SV2B: variants seen among roughly 807,000 people sequenced by gnomAD.
SV2B encodes the protein synaptic vesicle glycoprotein 2B.
SV2B carries 41 observed loss-of-function variants against 73.9 expected under a neutral mutation model. The ratio of observed to expected loss-of-function variants is 0.56; its 90% CI spans 0.43 to 0.72. The LOEUF is 0.72. Among genes scored for constraint, SV2B ranks in the 30% least tolerant of loss-of-function variants. The pLI is 0.00. For synonymous variants in SV2B, 314 were observed against 314.2 expected, an observed-to-expected ratio of 1.00 and a Z score of 0.01; for missense variants, 764 against 857.8, an observed-to-expected ratio of 0.89 and a Z score of 1.37.
chr15:91,279,794 A>G (rs2239991), intron 9 of SV2B, among the ~76,000 whole-genome samples: 3,414 of 152,348 alleles, frequency 0.022, 77 homozygotes, highest in East Asian at 0.095. Flanking sequence ...GTCTCCAGGA[A>G]TAGCTCTCTT....
intron 1 of SV2B, among the ~76,000 whole-genome samples, chr15:91,162,913 C>T (rs113252802): frequency 1.4e-5 from 2 of 141,848 alleles, no homozygotes; most frequent in African/African-American, 5.2e-5. Flanking sequence ...AATGCTATCC[C>T]TCCCCCAACC....
Position 91,122,967 on chromosome 15 carries a change from T to C in SV2B, c.-392+22604T>C, listed in dbSNP as rs534106910. Among the ~76,000 whole-genome samples the C allele has an allele frequency of 6.6e-6, 1 of 152,162 alleles. No individual in the cohort carries two copies. The highest frequency in any genetic ancestry group is 2.4e-5 in the African/African-American group (1 of 41,440). Reference sequence around the variant, plus strand: ...CTGGTAGCTATAGTTAATAACAATGTATTGTATTCTTGAAAATTGCTGGTC... The same window carrying C: ...CTGGTAGCTATAGTTAATAACAATGCATTGTATTCTTGAAAATTGCTGGTC... On this transcript the variant is annotated intron_variant, in intron 1 of 12. Transcript: ENST00000394232. This position sits in a 1 kb window ranked among gnomAD's most constrained non-coding sequence, Gnocchi z 4.3.
chr15:91,186,838 C>T (rs1035453292), intron 1 of SV2B, among the ~76,000 whole-genome samples: 3 of 152,032 alleles, frequency 2.0e-5, no homozygotes, highest in East Asian at 3.9e-4. Flanking sequence ...ATCAAAACTG[C>T]GCTTGTACCC....
At chr15:91,109,195 A>C (rs919531288) in intron 1 of SV2B, among the ~76,000 whole-genome samples, 9 of 152,246 alleles carry the variant, frequency 5.9e-5, no homozygotes, top group African/African-American at 2.2e-4. Context: ...AAGTGGATGC[A>C]CAATCTCATT....
At chr15:91,193,447 A>C (rs1299977856) in intron 1 of SV2B, among the ~76,000 whole-genome samples, 1 of 152,200 alleles carries the variant, frequency 6.6e-6, no homozygotes, top group Non-Finnish European at 1.5e-5. Flanking sequence ...AGAGCCAGGG[A>C]ACCCCCTTTG....
chr15:91,216,475 T>C (rs1310211645), intron 1 of SV2B, among the ~76,000 whole-genome samples: 4 of 150,812 alleles, frequency 2.7e-5, no homozygotes, highest in Non-Finnish European at 4.4e-5. Context: ...CTTTTTTTTT[T>C]GTTTTTTTGT....
At chr15:91,149,815 G>A (rs757655645) in intron 1 of SV2B, among the ~76,000 whole-genome samples, 3 of 152,314 alleles carry the variant, frequency 2.0e-5, no homozygotes, top group South Asian at 2.1e-4. Context: ...CCTGTTCCAT[G>A]ATACTTGCTG....
rs1020303147 is a variant in SV2B at position 91,295,433 on chromosome 15, G to C, written c.*2881G>C. 6.6e-6 allele frequency: 1 copy of C among 152,234 alleles called. No homozygotes were observed. Among genetic ancestry groups the C allele is most frequent in the South Asian group, 2.1e-4 (1 of 4,832 alleles). The allele number at this position is 152,234 out of a possible 1,614,324, so 9.4% of individuals were successfully genotyped here. A position where few individuals can be genotyped will look rare whatever the true frequency, so the allele number is the denominator to read the frequency against. The stretch of plus-strand genomic sequence containing the variant: ...AAGAAAACCTTAAGGACTGGGGTTA[G>C]AGATTATTTTCAGGCACTAAGGTCT... On this transcript the variant is annotated 3_prime_UTR_variant, in exon 13 of 13. Coordinates refer to ENST00000394232, the MANE Select transcript of SV2B (RefSeq NM_001323032.3).
At chr15:91,180,106 A>G (rs1231532298) in intron 1 of SV2B, among the ~76,000 whole-genome samples, 7 of 152,022 alleles carry the variant, frequency 4.6e-5, no homozygotes, top group African/African-American at 1.7e-4. Flanking sequence ...AAAATCTCTC[A>G]GCATTTGCTT....
At chr15:91,108,429 C>G (rs1052472903) in intron 1 of SV2B, among the ~76,000 whole-genome samples, 1 of 152,202 alleles carries the variant, frequency 6.6e-6, no homozygotes. Flanking sequence ...CTGTCTGATG[C>G]CTTTGTGGCT....
chr15:91,175,992 A>C (rs2044290877), intron 1 of SV2B, among the ~76,000 whole-genome samples: 1 of 151,848 alleles, frequency 6.6e-6, no homozygotes, highest in Non-Finnish European at 1.5e-5. Flanking sequence ...GCACCCATTA[A>C]CTTGTCATTT....
chr15:91,207,641 C>G (rs924040635), intron 1 of SV2B, among the ~76,000 whole-genome samples: 1 of 152,132 alleles, frequency 6.6e-6, no homozygotes, highest in East Asian at 1.9e-4. Flanking sequence ...TAACCAAAGA[C>G]AGAATAACAA....
rs926885597 is a variant in SV2B at position 91,129,194 on chromosome 15, G to A, written c.-392+28831G>A. ...TTCAACAAATATTTAACATGCCCTG[G>A]GGTAGGTACATGACACATTACAGAA... On this transcript the variant is annotated intron_variant, in intron 1 of 12. Transcript: ENST00000394232. The surrounding 1 kb of genome is among the most constrained non-coding windows in gnomAD (Gnocchi z 5.1). Among the ~76,000 whole-genome samples, 1 of 152,142 alleles carries A rather than the reference G, an allele frequency of 6.6e-6. No homozygotes were observed. Among genetic ancestry groups the A allele is most frequent in the Non-Finnish European group, 1.5e-5 (1 of 68,026 alleles).
rs950807579 is a variant in SV2B, at chr15:91,110,022, C to A, written c.-392+9659C>A. Among the ~76,000 whole-genome samples the A allele has an allele frequency of 1.3e-5, 2 of 152,166 alleles. No individual in the cohort carries two copies. The highest frequency in any genetic ancestry group is 2.4e-5 in the African/African-American group (1 of 41,442). ...TTACAGGCATGAACCACTGCATCCA[C>A]CTCGGAAATAGCTTATTTGGGTGGA... On this transcript the variant is annotated intron_variant, in intron 1 of 12. Transcript: ENST00000394232. This position sits in a 1 kb window ranked among gnomAD's most constrained non-coding sequence, Gnocchi z 5.4.
rs1289822610 is a variant in SV2B at position 91,290,305 on chromosome 15, A to C, written c.1868+625A>C. Among the ~76,000 whole-genome samples the C allele has an allele frequency of 6.6e-6, 1 of 152,180 alleles. No homozygotes were observed. The highest frequency in any genetic ancestry group is 2.4e-5 in the African/African-American group (1 of 41,430). ...AGAGGTAAGGAAGGTGGGTAAATGA[A>C]ATTCTGCAAAAACCTTAATGATATT... is the stretch of plus-strand genomic sequence containing the variant. On this transcript the variant is annotated intron_variant, in intron 12 of 12. Transcript: ENST00000394232. This position sits in a 1 kb window ranked among gnomAD's most constrained non-coding sequence, Gnocchi z 4.7.
chr15:91,202,248 C>G (rs553371833), intron 1 of SV2B, among the ~76,000 whole-genome samples: 2 of 152,314 alleles, frequency 1.3e-5, no homozygotes, highest in African/African-American at 4.8e-5. Flanking sequence ...TGCCCTCTCT[C>G]CACTAGAAGG....
rs1567432628 is a variant in SV2B, at chr15:91,283,864, T to TGGCCACATATTACCTTGAC, written c.1508-156_1508-155insGCCACATATTACCTTGACG. On this transcript the variant is annotated intron_variant, in intron 10 of 12. Transcript: ENST00000394232. The surrounding 1 kb of genome is among the most constrained non-coding windows in gnomAD (Gnocchi z 4.3). Reference sequence around the variant, plus strand: ...GTTTCTCTCCTCATCCATACCTTGATGACATGGCCACATATTACCTTGACT... The same window carrying TGGCCACATATTACCTTGAC: ...GTTTCTCTCCTCATCCATACCTTGATGGCCACATATTACCTTGACGACATGGCCACATATTACCTTGACT... 2.6e-5 allele frequency among the ~76,000 whole-genome samples: 4 copies of TGGCCACATATTACCTTGAC among 151,918 alleles called. No homozygotes were observed. The highest frequency in any genetic ancestry group is 9.7e-5 in the African/African-American group (4 of 41,254).
At position 91,293,770 on chromosome 15, in the gene SV2B, A is replaced by C. The variant is rs914131995; in HGVS notation, c.*1218A>C. 2 of 152,248 alleles carry C rather than the reference A, an allele frequency of 1.3e-5. No homozygotes were observed. Among genetic ancestry groups the C allele is most frequent in the African/African-American group, 2.4e-5 (1 of 41,456 alleles). The allele number at this position is 152,248 out of a possible 1,614,324, so 9.4% of individuals were successfully genotyped here. On this transcript the variant is annotated 3_prime_UTR_variant, in exon 13 of 13. Transcript: ENST00000394232. ...GATGGTCAGGTCTCATGAGAAATCT[A>C]TGCTATGTGTCCAGAGCTTTTGAAA...
intron 12 of SV2B, among the ~76,000 whole-genome samples, chr15:91,291,218 A>G (rs1480981489): frequency 6.6e-6 from 1 of 151,660 alleles, no homozygotes; most frequent in Non-Finnish European, 1.5e-5. Context: ...TAATTCATTC[A>G]AAATTCAACA....
Sources: allele counts gnomAD v4.1 joint callset (sites outside exome capture counted in the v4.1 genomes callset), GRCh38; gene constraint gnomAD v4.1.1; non-coding constraint Gnocchi (gnomAD v3.1); transcripts MANE v1.5; gene names NCBI Gene and HGNC (gene_info 2026-07-23, HGNC 2026-07-21).